PDE4D: variants seen among roughly 807,000 people sequenced by gnomAD.
PDE4D encodes phosphodiesterase 4D, also known as 3',5'-cyclic-AMP phosphodiesterase 4D.
Under a neutral mutation model 87.4 loss-of-function variants are expected in PDE4D, and 24 were observed. The observed-to-expected ratio is 0.27, with a 90% CI of 0.20 to 0.39. The LOEUF is 0.39. Among genes scored for constraint, PDE4D ranks in the 10% least tolerant of loss-of-function variants. The probability of loss-of-function intolerance (pLI) is 1.00; values close to 1 mark genes in which losing one functional copy is unlikely to be tolerated. For missense variants in PDE4D, 714 were observed against 1,041.0 expected (o/e 0.69, Z 4.32); for synonymous variants, 384 against 383.2 (o/e 1.00, Z -0.02).
chr5:60,195,008 T>C (rs1395100605), intron 1 of PDE4D, among the ~76,000 whole-genome samples: 2 of 151,658 alleles, frequency 1.3e-5, no homozygotes, highest in African/African-American at 4.8e-5. Context: ...AGGGAACCAC[T>C]TGTAATTCTT....
At chr5:60,167,267 T>C (rs1420296685) in intron 2 of PDE4D, among the ~76,000 whole-genome samples, 24 of 17,334 alleles carry the variant, frequency 1.4e-3, no homozygotes, top group Non-Finnish European at 2.4e-3. Flanking sequence ...GTGTATTTTC[T>C]TTTTTTTTTT....
At chr5:60,030,379 A>G (rs1018628317) in intron 2 of PDE4D, among the ~76,000 whole-genome samples, 13 of 152,070 alleles carry the variant, frequency 8.5e-5, no homozygotes, top group African/African-American at 1.4e-4. Context: ...GAACCCGGGA[A>G]GCGGAGCTTG....
At chr5:59,215,703 T>G (rs1751103049) in intron 2 of PDE4D, 74 bp downstream of exon 2, 4 of 1,247,106 alleles carry the variant, frequency 3.2e-6, no homozygotes, top group African/African-American at 3.0e-5. Context: ...CAAAAGTCAT[T>G]AGTTTTATTA....
intron 1 of PDE4D, among the ~76,000 whole-genome samples, chr5:59,435,034 G>A (rs954837656): frequency 3.3e-5 from 5 of 152,054 alleles, no homozygotes; most frequent in African/African-American, 9.7e-5. Context: ...GTGTTAAGTG[G>A]TGGAGTCAGA....
intron 3 of PDE4D, among the ~76,000 whole-genome samples, chr5:59,933,782 A>G (rs1160526641): frequency 2.8e-5 from 3 of 108,104 alleles, no homozygotes; most frequent in African/African-American, 1.6e-4. Flanking sequence ...ATATATATAT[A>G]TATATATATT....
intron 1 of PDE4D, among the ~76,000 whole-genome samples, chr5:59,324,941 TGG>T (rs2153573348): frequency 6.6e-6 from 1 of 152,270 alleles, no homozygotes; most frequent in East Asian, 1.9e-4. Context: ...CATGGCATCA[TGG>T]TAATTAATAG....
At chr5:59,521,784 A>G (rs1812290543) in intron 1 of PDE4D, among the ~76,000 whole-genome samples, 1 of 152,068 alleles carries the variant, frequency 6.6e-6, no homozygotes, top group Non-Finnish European at 1.5e-5. Context: ...ATCCTGTAGC[A>G]CCTTCCACCT....
intron 3 of PDE4D, among the ~76,000 whole-genome samples, chr5:59,958,192 TA>T (rs1156390624): frequency 6.6e-6 from 1 of 152,178 alleles, no homozygotes; most frequent in African/African-American, 2.4e-5. Flanking sequence ...TTAACTGTGA[TA>T]TTTTATAATC....
chr5:59,113,245 T>C (rs1277383952), intron 5 of PDE4D, among the ~76,000 whole-genome samples: 3 of 152,178 alleles, frequency 2.0e-5, no homozygotes, highest in East Asian at 1.9e-4. Context: ...AGAAGTAGAA[T>C]TGATGGTAGG....
At chr5:59,281,060 G>A (rs988674240) in intron 1 of PDE4D, among the ~76,000 whole-genome samples, 14 of 152,198 alleles carry the variant, frequency 9.2e-5, no homozygotes, top group African/African-American at 3.4e-4. Context: ...TCCATGGAGA[G>A]GGATGCAAAA....
intron 1 of PDE4D, among the ~76,000 whole-genome samples, chr5:60,354,634 T>C (rs1759462222): frequency 6.6e-6 from 1 of 152,162 alleles, no homozygotes; most frequent in Non-Finnish European, 1.5e-5. Context: ...TGTTTTCTGG[T>C]TATAAATCTA....
intron 1 of PDE4D, among the ~76,000 whole-genome samples, chr5:60,240,004 G>A (rs1246639224): frequency 6.6e-6 from 1 of 152,046 alleles, no homozygotes; most frequent in African/African-American, 2.4e-5. Flanking sequence ...CAGATGTACA[G>A]GGATTATTTC....
At chr5:59,702,873 A>AAAC (rs1298064612) in intron 1 of PDE4D, among the ~76,000 whole-genome samples, 2 of 149,968 alleles carry the variant, frequency 1.3e-5, no homozygotes, top group East Asian at 3.9e-4. Flanking sequence ...CTGTCTCAAA[A>AAAC]AAAAAAAAAA....
Position 59,162,709 on chromosome 5 carries a change from T to C in PDE4D, c.808+17886A>G, listed in dbSNP as rs542453895. 3.3e-5 allele frequency among the ~76,000 whole-genome samples: 5 copies of C among 150,420 alleles called. No individual in the cohort carries two copies. In the South Asian group the frequency reaches 1.1e-3, roughly 32 times the overall value. On this transcript the variant is annotated intron_variant, in intron 5 of 14. Coordinates refer to ENST00000340635, the MANE Select transcript of PDE4D (RefSeq NM_001104631.2). ...AAAAAAATTAAAAATTAGCCAGGTA[T>C]GGTGGTGCAGTGCTATGTGCCTGTA...
At chr5:60,216,316 G>A (rs1257455775) in intron 1 of PDE4D, among the ~76,000 whole-genome samples, 2 of 152,062 alleles carry the variant, frequency 1.3e-5, no homozygotes, top group Non-Finnish European at 2.9e-5. Flanking sequence ...GCTCACATGA[G>A]TCAAGCATTT....
chr5:59,817,907 G>C (rs1224277785), intron 1 of PDE4D, among the ~76,000 whole-genome samples: 2 of 152,194 alleles, frequency 1.3e-5, no homozygotes, highest in Admixed American at 1.3e-4. Context: ...TGTTATTTAA[G>C]CCACCCCATC....
chr5:59,458,887 A>G (rs1174771450), intron 1 of PDE4D, among the ~76,000 whole-genome samples: 1 of 152,232 alleles, frequency 6.6e-6, no homozygotes, highest in Non-Finnish European at 1.5e-5. Flanking sequence ...TTTATTGGCA[A>G]TGCAAGAAGA....
intron 1 of PDE4D, among the ~76,000 whole-genome samples, chr5:60,331,901 G>C (rs1183226154): frequency 6.6e-6 from 1 of 152,148 alleles, no homozygotes; most frequent in Non-Finnish European, 1.5e-5. Flanking sequence ...CTATTTTATA[G>C]GAATGCTACT....
intron 5 of PDE4D, among the ~76,000 whole-genome samples, chr5:59,048,739 C>T (rs1032913104): frequency 7.9e-5 from 12 of 152,192 alleles, no homozygotes; most frequent in Non-Finnish European, 1.5e-4. Context: ...AGTATATTTA[C>T]ACTCACTCTG....
Sources: gnomAD v4.1 joint callset for allele counts (sites outside exome capture counted in the v4.1 genomes callset) on GRCh38, gnomAD v4.1.1 for gene constraint, MANE v1.5 for transcripts, NCBI Gene and HGNC (gene_info 2026-07-23, HGNC 2026-07-21) for gene names.